The following CADM2 variants were observed in gnomAD, a reference collection of about 807,000 sequenced individuals.
CADM2 encodes the protein immunoglobulin superfamily member 4D.
In CADM2, 12 loss-of-function variants were observed where a neutral mutation model predicts 49.8. The ratio of observed to expected loss-of-function variants is 0.24; its 90% CI spans 0.15 to 0.39. CADM2 has a LOEUF of 0.39. Among genes scored for constraint, CADM2 ranks in the 10% least tolerant of loss-of-function variants. The probability of loss-of-function intolerance (pLI) is 1.00; values close to 1 mark genes in which losing one functional copy is unlikely to be tolerated. For synonymous variants in CADM2, 214 were observed against 175.4 expected (o/e 1.22, Z -1.74); for missense variants, 378 against 492.3 (o/e 0.77, Z 2.20).
At chr3:85,635,028 T>C (rs2064422667) in intron 1 of CADM2, among the ~76,000 whole-genome samples, 2 of 152,092 alleles carry the variant, frequency 1.3e-5, no homozygotes, top group Non-Finnish European at 2.9e-5. Flanking sequence ...AATTATTTGA[T>C]CCATGAGAAA....
rs371293843 is a variant in CADM2, at chr3:85,935,751, A to G, written c.701-16A>G. 9.7e-6 allele frequency: 14 copies of G among 1,450,452 alleles called. No individual in the cohort carries two copies. The African/African-American group carries it at 2.0e-4, about 20-fold the overall frequency. 89.8% of individuals were successfully genotyped at this position (1,450,452 alleles called of 1,614,324 possible). ...TATGTGTTTAATTACCTTTCTTAAT[A>G]TTCTTTTATTTCTAGATACACCATC... On this transcript the variant is annotated splice_polypyrimidine_tract_variant and intron_variant, in intron 6 of 9. Transcript: ENST00000383699.
Position 84,959,274 on chromosome 3 carries a change from G to T in CADM2, c.-334G>T. 1 of 464,588 alleles carries T rather than the reference G, an allele frequency of 2.2e-6. No individual in the cohort carries two copies. Among genetic ancestry groups the T allele is most frequent in the Non-Finnish European group, 3.9e-6 (1 of 256,076 alleles). The allele number at this position is 464,588 out of a possible 1,614,324, so 28.8% of individuals were successfully genotyped here. A position where few individuals can be genotyped will look rare whatever the true frequency, so the allele number is the denominator to read the frequency against. ...CCCGGCATCCCTGCACCACCTGCTC[G>T]GGCAGCCCCGGCGGGCTCTGGGACT... is the stretch of plus-strand genomic sequence containing the variant. On this transcript the variant is annotated 5_prime_UTR_variant, in exon 1 of 10. Coordinates refer to ENST00000383699, the MANE Select transcript of CADM2 (RefSeq NM_001167675.2).
chr3:85,620,755 A>C (rs2063950226), intron 1 of CADM2, among the ~76,000 whole-genome samples: 1 of 152,112 alleles, frequency 6.6e-6, no homozygotes. Flanking sequence ...CCTGAGGTCT[A>C]TCAGAATTAA....
At chr3:85,840,394 A>G (rs2074591894) in intron 3 of CADM2, among the ~76,000 whole-genome samples, 1 of 151,964 alleles carries the variant, frequency 6.6e-6, no homozygotes, top group Admixed American at 6.6e-5. Context: ...AAGACTTACA[A>G]TACTAAATTG....
intron 1 of CADM2, among the ~76,000 whole-genome samples, chr3:85,041,545 A>G (rs73141773): frequency 5.9e-5 from 9 of 152,274 alleles, no homozygotes; most frequent in Admixed American, 2.6e-4. Flanking sequence ...TTCCACCTTT[A>G]TATGTAGTGC....
chr3:85,373,551 C>A (rs1261926344), intron 1 of CADM2, among the ~76,000 whole-genome samples: 1 of 152,186 alleles, frequency 6.6e-6, no homozygotes, highest in African/African-American at 2.4e-5. Context: ...CTCCACTAGG[C>A]AGTGACTCAG....
chr3:85,654,384 A>T (rs1294752154), intron 1 of CADM2, among the ~76,000 whole-genome samples: 2 of 152,198 alleles, frequency 1.3e-5, no homozygotes, highest in Non-Finnish European at 2.9e-5. Context: ...AGGCTTAGGA[A>T]AAAGTATGCA....
At chr3:85,352,717 T>G (rs986035) in intron 1 of CADM2, among the ~76,000 whole-genome samples, 53,079 of 152,008 alleles carry the variant, frequency 0.35, 9,521 homozygotes, top group Non-Finnish European at 0.38. Context: ...TTGATATTTA[T>G]AATTTTATGA....
At position 86,072,703 on chromosome 3, in the gene CADM2, T is replaced by A. The variant is rs746417343; in HGVS notation, c.*5920T>A. The A allele has an allele frequency of 3.9e-5, 6 of 152,068 alleles. No homozygotes were observed. Among genetic ancestry groups the A allele is most frequent in the African/African-American group, 7.2e-5 (3 of 41,436 alleles). The allele number at this position is 152,068 out of a possible 1,614,324, so 9.4% of individuals were successfully genotyped here. On this transcript the variant is annotated 3_prime_UTR_variant, in exon 10 of 10. Transcript: ENST00000383699. Reference sequence around the variant, plus strand: ...CTAGTAGACACTTTTCTCTTTATATTTACTGATAGTGAAAATCATACGCAA... The same window carrying A: ...CTAGTAGACACTTTTCTCTTTATATATACTGATAGTGAAAATCATACGCAA...
chr3:84,962,119 C>T (rs2030584020), intron 1 of CADM2, among the ~76,000 whole-genome samples: 1 of 150,360 alleles, frequency 6.7e-6, no homozygotes, highest in Non-Finnish European at 1.5e-5. Context: ...CTGCAACCAG[C>T]AGCAACACCA....
At chr3:85,445,401 G>A (rs187417382) in intron 1 of CADM2, among the ~76,000 whole-genome samples, 2 of 152,166 alleles carry the variant, frequency 1.3e-5, no homozygotes, top group Admixed American at 6.5e-5. Context: ...TCAAAATGTA[G>A]TTTGTGAAAT....
chr3:85,107,252 G>A (rs142017115), intron 1 of CADM2, among the ~76,000 whole-genome samples: 213 of 152,206 alleles, frequency 1.4e-3, no homozygotes, highest in Middle Eastern at 6.8e-3. Context: ...TGCAAAAAAC[G>A]GGAACAGAAT....
intron 1 of CADM2, among the ~76,000 whole-genome samples, chr3:85,602,030 G>A (rs1007612239): frequency 2.0e-5 from 3 of 151,706 alleles, no homozygotes; most frequent in Admixed American, 6.6e-5. Context: ...CCGTTCAGTG[G>A]CTACTATTGT....
At chr3:85,238,354 C>T (rs1208902772) in intron 1 of CADM2, among the ~76,000 whole-genome samples, 1 of 151,832 alleles carries the variant, frequency 6.6e-6, no homozygotes, top group Non-Finnish European at 1.5e-5. Context: ...CTATTTTTCA[C>T]TCCAAATCAT....
At chr3:85,290,836 GA>G (rs1233107394) in intron 1 of CADM2, among the ~76,000 whole-genome samples, 3 of 152,130 alleles carry the variant, frequency 2.0e-5, no homozygotes, top group African/African-American at 7.2e-5. Flanking sequence ...CAAAGATGGG[GA>G]AAAAACAGAA....
chr3:85,847,046 G>C (rs1010933853), intron 3 of CADM2, among the ~76,000 whole-genome samples: 6 of 152,156 alleles, frequency 3.9e-5, no homozygotes. Context: ...GCAAGTCACA[G>C]TGTTTTCCAT....
intron 8 of CADM2, among the ~76,000 whole-genome samples, chr3:85,971,526 A>T (rs1726135550): frequency 6.6e-6 from 1 of 151,660 alleles, no homozygotes; most frequent in South Asian, 2.1e-4. Context: ...CCTTGTGTTT[A>T]TTCATAGCTG....
chr3:86,046,781 A>AC (rs952454528), intron 8 of CADM2, among the ~76,000 whole-genome samples: 6 of 139,268 alleles, frequency 4.3e-5, no homozygotes, highest in South Asian at 2.3e-4. Flanking sequence ...AACACCCCCA[A>AC]CCCCCCCTCA....
intron 3 of CADM2, among the ~76,000 whole-genome samples, chr3:85,803,812 TA>T (rs975607611): frequency 6.6e-6 from 1 of 152,096 alleles, no homozygotes; most frequent in Admixed American, 6.6e-5. Context: ...TAAACTCATC[TA>T]AAAAAATACC....
Sources: gnomAD v4.1 joint callset for allele counts (sites outside exome capture counted in the v4.1 genomes callset) on GRCh38, gnomAD v4.1.1 for gene constraint, MANE v1.5 for transcripts, NCBI Gene and HGNC (gene_info 2026-07-23, HGNC 2026-07-21) for gene names.